Variants in SLC35C1 observed in about 807,000 individuals in gnomAD.
SLC35C1 encodes the protein GDP-fucose transporter 1.
SLC35C1 carries 8 observed loss-of-function variants against 23.2 expected under a neutral mutation model. The observed-to-expected ratio is 0.35, with a 90% CI of 0.20 to 0.62. The LOEUF (loss-of-function observed/expected upper bound fraction) is 0.62, where lower values mean the gene tolerates loss of function less well. Ranked by LOEUF, SLC35C1 falls within the 20% of genes least tolerant of loss-of-function variation. SLC35C1 has a pLI of 0.75. For missense variants in SLC35C1, 422 were observed against 478.6 expected (o/e 0.88, Z 1.10); for synonymous variants, 226 against 225.1 (o/e 1.00, Z -0.04).
chr11:45,806,278 C>CCTG lies in SLC35C1; in HGVS notation c.483_485dup (p.Leu162dup). 1 of 1,612,174 alleles carries CCTG rather than the reference C, an allele frequency of 6.2e-7. No individual in the cohort carries two copies. Among genetic ancestry groups the CCTG allele is most frequent in the Non-Finnish European group, 8.5e-7 (1 of 1,180,022 alleles). On this transcript the variant is annotated inframe_insertion, in exon 1 of 2. Transcript: ENST00000314134. ...CCGTCTTCAACGTGCTGCTCTCCTA[C>CCTG]CTGCTGCTCAAGCAGACCACCTCCT...
Position 45,812,716 on chromosome 11 carries a change from T to C in SLC35C1, c.*1381T>C, listed in dbSNP as rs2085963917. On this transcript the variant is annotated 3_prime_UTR_variant, in exon 2 of 2. Coordinates refer to ENST00000314134, the MANE Select transcript of SLC35C1 (RefSeq NM_018389.5). ...ATACTGTCACCTTGGGGGTGAGAAT[T>C]CCAATGTGAATTTGCAGGGGGAGTG... is the stretch of plus-strand genomic sequence containing the variant. 1 of 450,364 alleles carries C rather than the reference T, an allele frequency of 2.2e-6. No individual in the cohort carries two copies. The highest frequency in any genetic ancestry group is 1.6e-5 in the South Asian group (1 of 64,402). 27.9% of individuals were successfully genotyped at this position (450,364 alleles called of 1,614,324 possible). A position where few individuals can be genotyped will look rare whatever the true frequency, so the allele number is the denominator to read the frequency against.
Position 45,811,287 on chromosome 11 carries a change from G to A in SLC35C1, c.1047G>A (p.Pro349=), listed in dbSNP as rs113735964. The A allele has an allele frequency of 7.1e-4, 1,116 of 1,564,154 alleles. 7 individuals carry two copies. The African/African-American group carries it at 0.013, about 18-fold the overall frequency. Residue 349 remains proline (P), a synonymous_variant, in exon 2 of 2, where the codon CCG becomes CCA. Transcript: ENST00000314134. ...GGGGCTGGGAGATGAAGAAGACTCCGGAGGAGCCCAGCCCCAAAGACAGCG... is the reference window on the plus strand; with the variant it reads ...GGGGCTGGGAGATGAAGAAGACTCCAGAGGAGCCCAGCCCCAAAGACAGCG... The part of the protein sequence containing the change: ...WVRGWEMKKT[P]EEPSPKDSEK...
chr11:45,805,175 G>T lies in SLC35C1; in HGVS notation c.-627G>T. 2.0e-6 allele frequency: 2 copies of T among 991,278 alleles called. No homozygotes were observed. Among genetic ancestry groups the T allele is most frequent in the Non-Finnish European group, 2.4e-6 (2 of 833,100 alleles). The allele number at this position is 991,278 out of a possible 1,614,324, so 61.4% of individuals were successfully genotyped here. The stretch of plus-strand genomic sequence containing the variant: ...TCGGATGTCCGGAGGCTCCTGGGCT[G>T]AGCCGGCGACAGAGCCCGGGAAGGC... On this transcript the variant is annotated 5_prime_UTR_variant, in exon 1 of 2. The change creates a premature stop within an existing upstream ORF in the 5' untranslated region. Transcript: ENST00000314134.
Position 45,806,176 on chromosome 11 carries a change from C to T in SLC35C1, c.375C>T (p.Ile125=), listed in dbSNP as rs747143721. 3 of 1,605,452 alleles carry T rather than the reference C, an allele frequency of 1.9e-6. No individual in the cohort carries two copies. The highest frequency in any genetic ancestry group is 2.7e-5 in the African/African-American group (2 of 74,990). ...RSVLPLSVVF[I]GMITFNNLCL... Reference sequence around the variant, plus strand: ...TCCTGCCCCTGTCGGTGGTCTTCATCGGCATGATCACCTTCAATAACCTCT... The same window carrying T: ...TCCTGCCCCTGTCGGTGGTCTTCATTGGCATGATCACCTTCAATAACCTCT... Residue 125 remains isoleucine, a synonymous_variant, in exon 1 of 2, where the codon ATC becomes ATT. Coordinates refer to ENST00000314134, the MANE Select transcript of SLC35C1 (RefSeq NM_018389.5).
chr11:45,808,071 C>A (rs1286223217), intron 1 of SLC35C1, among the ~76,000 whole-genome samples: 1 of 152,158 alleles, frequency 6.6e-6, no homozygotes, highest in Admixed American at 6.5e-5. Context: ...GGGAGGTGGA[C>A]GCTCTCTGCC....
intron 1 of SLC35C1, chr11:45,810,527 C>A: frequency 1.0e-6 from 1 of 985,426 alleles, no homozygotes; most frequent in Non-Finnish European, 1.2e-6. Context: ...GTTTTAATGT[C>A]TTTCTCCTCT....
chr11:45,804,481 G>C (rs2085845202), upstream of SLC35C1: 1 of 985,724 alleles, frequency 1.0e-6, no homozygotes, highest in South Asian at 4.7e-5. Context: ...AGCTGATGCG[G>C]CTGGACCGGC....
Position 45,805,544 on chromosome 11 carries a change from TTATCC to T in SLC35C1, c.-254_-250del. On this transcript the variant is annotated 5_prime_UTR_variant, in exon 1 of 2. An upstream open reading frame in the 5' UTR loses its in-frame stop. Transcript: ENST00000314134. ...TCTTCTCTGTCCTGGCCTCACCGCC[TTATCC>T]TATTCCTCTCCCTTGCCCTGTGTCT... The T allele has an allele frequency of 1.4e-6, 2 of 1,408,372 alleles. No homozygotes were observed. The highest frequency in any genetic ancestry group is 1.9e-6 in the Non-Finnish European group (2 of 1,080,598). 87.2% of individuals were successfully genotyped at this position (1,408,372 alleles called of 1,614,324 possible).
In SLC35C1 at chr11:45,806,193, A is replaced by G. The variant is rs762023206; in HGVS notation, c.392A>G (p.Asn131Ser). 6.2e-6 allele frequency: 10 copies of G among 1,605,318 alleles called. No individual in the cohort carries two copies. Among genetic ancestry groups the G allele is most frequent in the South Asian group, 1.1e-5 (1 of 91,052 alleles). The change falls in exon 1 of 2, where the codon AAT becomes AGT. Residue 131 changes from asparagine (N) to serine (S), a missense_variant. Transcript: ENST00000314134. ...SVVFIGMITF[N>S]NLCLKYVGVA... ...GTCTTCATCGGCATGATCACCTTCA[A>G]TAACCTCTGCCTCAAGTACGTCGGT...
chr11:45,805,724 G>A lies in SLC35C1; in HGVS notation c.-78G>A. ...TGGAGGGCTGCGGCTTCCTTGCGGA[G>A]AGCACAAGTGAGCTCACTGCCCTGG... On this transcript the variant is annotated 5_prime_UTR_variant, in exon 1 of 2. Transcript: ENST00000314134. 1 of 1,598,816 alleles carries A rather than the reference G, an allele frequency of 6.3e-7. No homozygotes were observed. The highest frequency in any genetic ancestry group is 8.5e-7 in the Non-Finnish European group (1 of 1,179,256).
chr11:45,808,623 G>A (rs932044516), intron 1 of SLC35C1, among the ~76,000 whole-genome samples: 4 of 152,224 alleles, frequency 2.6e-5, no homozygotes, highest in Admixed American at 1.3e-4. Flanking sequence ...AGTGGGTGGT[G>A]CAGCCCTCTG....
rs754610665 is a variant in SLC35C1, at chr11:45,811,360, C to T, written c.*25C>T. ...AGCACCACAGGCACCCTGGATGGCC[C>T]GGCCCCGGGGCCCGTACACAGGCGG... On this transcript the variant is annotated 3_prime_UTR_variant, in exon 2 of 2. Coordinates refer to ENST00000314134, the MANE Select transcript of SLC35C1 (RefSeq NM_018389.5). The T allele has an allele frequency of 7.5e-6, 11 of 1,470,106 alleles. No homozygotes were observed. The highest frequency in any genetic ancestry group is 8.0e-6 in the Non-Finnish European group (9 of 1,119,304). The allele number at this position is 1,470,106 out of a possible 1,614,324, so 91.1% of individuals were successfully genotyped here.
At chr11:45,807,829 G>A (rs1187227580) in intron 1 of SLC35C1, among the ~76,000 whole-genome samples, 1 of 152,148 alleles carries the variant, frequency 6.6e-6, no homozygotes, top group Non-Finnish European at 1.5e-5. Context: ...GGGAACAGGT[G>A]TACCTCCCCT....
chr11:45,808,277 A>G (rs1170145002), intron 1 of SLC35C1, among the ~76,000 whole-genome samples: 1 of 152,094 alleles, frequency 6.6e-6, no homozygotes, highest in Admixed American at 6.6e-5. Flanking sequence ...AGGCAGGTGG[A>G]TCACCTGAGA....
At chr11:45,808,942 G>A (rs1191437446) in intron 1 of SLC35C1, among the ~76,000 whole-genome samples, 2 of 152,258 alleles carry the variant, frequency 1.3e-5, no homozygotes, top group Admixed American at 6.5e-5. Flanking sequence ...GGCGAAGGTT[G>A]CAGTGAGCCA....
At position 45,810,963 on chromosome 11, in the gene SLC35C1, C is replaced by T. The variant is rs545704441; in HGVS notation, c.723C>T (p.Leu241=). ...ACAACAACGTCAACGCCTGCATCCT[C>T]TTCCTGCCCCTGCTCCTGCTGCTCG... The part of the protein sequence containing the change: ...TFYNNVNACI[L]FLPLLLLLGE... Residue 241 remains leucine (L), a synonymous_variant, in exon 2 of 2, where the codon CTC becomes CTT. Transcript: ENST00000314134. 1 of 1,612,902 alleles carries T rather than the reference C, an allele frequency of 6.2e-7. No homozygotes were observed. Among genetic ancestry groups the T allele is most frequent in the Admixed American group, 1.7e-5 (1 of 60,032 alleles).
At position 45,812,344 on chromosome 11, in the gene SLC35C1, C is replaced by T. The variant is rs948681197; in HGVS notation, c.*1009C>T. 2.8e-6 allele frequency: 1 copy of T among 356,616 alleles called. No homozygotes were observed. Among genetic ancestry groups the T allele is most frequent in the Non-Finnish European group, 5.5e-6 (1 of 180,782 alleles). 22.1% of individuals were successfully genotyped at this position (356,616 alleles called of 1,614,324 possible). ...CGCTTGCCTTGTGATGGTAAGACAC[C>T]AACCTTTACATTCTTCCCTGAGGTT... On this transcript the variant is annotated 3_prime_UTR_variant, in exon 2 of 2. Coordinates refer to ENST00000314134, the MANE Select transcript of SLC35C1 (RefSeq NM_018389.5).
Position 45,806,456 on chromosome 11 carries a change from A to G in SLC35C1, c.535+120A>G. ...CCAGCTCCTTTGGTGCAGCAGTCAT[A>G]GGAGAAAGAGCCTGGGGGCACAGAG... On this transcript the variant is annotated intron_variant, in intron 1 of 1. Transcript: ENST00000314134. 3.0e-6 allele frequency: 4 copies of G among 1,338,808 alleles called. No individual in the cohort carries two copies. The South Asian group carries it at 3.8e-5, about 13-fold the overall frequency. The allele number at this position is 1,338,808 out of a possible 1,614,324, so 82.9% of individuals were successfully genotyped here.
chr11:45,809,761 C>T (rs113356096), intron 1 of SLC35C1: 3 of 985,422 alleles, frequency 3.0e-6, no homozygotes, highest in Non-Finnish European at 3.6e-6. Flanking sequence ...CCCACTGCCC[C>T]GTGTTGCCAG....
Sources: allele counts gnomAD v4.1 joint callset (sites outside exome capture counted in the v4.1 genomes callset), GRCh38; gene constraint gnomAD v4.1.1; transcripts MANE v1.5; gene names NCBI Gene and HGNC (gene_info 2026-07-23, HGNC 2026-07-21).